Variants in CREB5 observed in about 807,000 individuals in gnomAD.
The protein encoded by CREB5 is cAMP responsive element binding protein 5.
In CREB5, 19 loss-of-function variants were observed where a neutral mutation model predicts 57.1. That is an observed-to-expected ratio of 0.33 (90% CI 0.23 to 0.49). The LOEUF (loss-of-function observed/expected upper bound fraction) is 0.49, where lower values mean the gene tolerates loss of function less well. Among genes scored for constraint, CREB5 ranks in the 20% least tolerant of loss-of-function variants. The pLI is 0.99. For missense variants in CREB5, 579 were observed against 671.6 expected, an observed-to-expected ratio of 0.86 and a Z score of 1.52; for synonymous variants, 238 against 238.3, an observed-to-expected ratio of 1.00 and a Z score of 0.01.
intron 7 of CREB5, among the ~76,000 whole-genome samples, chr7:28,729,370 C>T (rs751846904): frequency 6.6e-6 from 1 of 152,152 alleles, no homozygotes; most frequent in Non-Finnish European, 1.5e-5. Context: ...TCTGTCGGCT[C>T]GTGGTTTCCT....
At chr7:28,796,272 G>A (rs866728646) in intron 7 of CREB5, among the ~76,000 whole-genome samples, 2 of 152,122 alleles carry the variant, frequency 1.3e-5, no homozygotes, top group African/African-American at 4.8e-5. Flanking sequence ...TTATGTAAAT[G>A]TAATCATACA....
At chr7:28,634,194 C>T (rs1798317129) in intron 5 of CREB5, among the ~76,000 whole-genome samples, 1 of 152,128 alleles carries the variant, frequency 6.6e-6, no homozygotes, top group Non-Finnish European at 1.5e-5. Flanking sequence ...TCTGCCCATC[C>T]AGCCTGTCTG....
intron 7 of CREB5, among the ~76,000 whole-genome samples, chr7:28,750,072 A>G (rs1372373124): frequency 6.6e-6 from 1 of 152,244 alleles, no homozygotes; most frequent in African/African-American, 2.4e-5. Flanking sequence ...ACAGCAATAG[A>G]CAACATTTCA....
At chr7:28,677,515 C>G (rs1562565702) in intron 5 of CREB5, among the ~76,000 whole-genome samples, 1 of 152,168 alleles carries the variant, frequency 6.6e-6, no homozygotes. Flanking sequence ...GCCTGCTTTT[C>G]TTTACCTGTA....
chr7:28,675,359 A>T (rs1283101692), intron 5 of CREB5, among the ~76,000 whole-genome samples: 1 of 152,160 alleles, frequency 6.6e-6, no homozygotes, highest in Non-Finnish European at 1.5e-5. Context: ...CTTGTACAAA[A>T]CACAGCCCCC....
intron 5 of CREB5, among the ~76,000 whole-genome samples, chr7:28,687,350 T>G (rs980659857): frequency 6.6e-6 from 1 of 151,510 alleles, no homozygotes; most frequent in African/African-American, 2.4e-5. Flanking sequence ...AGTTAATATT[T>G]CAGAGTAAGA....
At chr7:28,348,408 TCA>T (rs59152695) in intron 1 of CREB5, among the ~76,000 whole-genome samples, 21,704 of 117,844 alleles carry the variant, frequency 0.18, 1,674 homozygotes, top group East Asian at 0.38. Context: ...TCTCTCTCTC[TCA>T]CACACACACA....
rs568838749 is a variant in CREB5 at position 28,678,319 on chromosome 7, T to C, written c.465-40434T>C. ...GGGAGAATTGCTTGAACCCCGGAGG[T>C]GGAGGTTGCAGTGAGCCAAGACGGC... is the stretch of plus-strand genomic sequence containing the variant. On this transcript the variant is annotated intron_variant, in intron 5 of 10. Transcript: ENST00000357727. Among the ~76,000 whole-genome samples the C allele has an allele frequency of 3.4e-3, 517 of 151,014 alleles. 2 individuals are homozygous for C. Among genetic ancestry groups the C allele is most frequent in the African/African-American group, 0.012 (487 of 41,104 alleles).
At chr7:28,407,737 G>A (rs1787614359), upstream of CREB5, among the ~76,000 whole-genome samples, 1 of 152,158 alleles carries the variant, frequency 6.6e-6, no homozygotes, top group South Asian at 2.1e-4. Flanking sequence ...ACACTAAAGG[G>A]CAAGGGGCCA....
Position 28,491,161 on chromosome 7 carries a change from G to A in CREB5, c.75+2915G>A, listed in dbSNP as rs187387815. 3.3e-5 allele frequency: 32 copies of A among 966,756 alleles called. No individual in the cohort carries two copies. In the African/African-American group the frequency reaches 5.3e-4, roughly 16 times the overall value. 59.9% of individuals were successfully genotyped at this position (966,756 alleles called of 1,614,324 possible). A position where few individuals can be genotyped will look rare whatever the true frequency, so the allele number is the denominator to read the frequency against. On this transcript the variant is annotated intron_variant, in intron 2 of 10. Transcript: ENST00000357727. ...AGAGCACTAGGCAGTGACGGGAAGCGGAGTGATATAACGGTAGCCTGAGAA... is the reference window on the plus strand; with the variant it reads ...AGAGCACTAGGCAGTGACGGGAAGCAGAGTGATATAACGGTAGCCTGAGAA...
At chr7:28,561,815 C>T (rs1464656867) in intron 4 of CREB5, among the ~76,000 whole-genome samples, 1 of 152,236 alleles carries the variant, frequency 6.6e-6, no homozygotes, top group Admixed American at 6.5e-5. Context: ...GCAATCTCAG[C>T]TCATTGCAAC....
chr7:28,496,712 C>T (rs1269823437), intron 3 of CREB5, among the ~76,000 whole-genome samples: 2 of 152,176 alleles, frequency 1.3e-5, no homozygotes, highest in African/African-American at 4.8e-5. Flanking sequence ...CCAATGTGCT[C>T]TGGCTTGGAA....
At chr7:28,776,153 T>C (rs1806617629) in intron 7 of CREB5, among the ~76,000 whole-genome samples, 1 of 151,914 alleles carries the variant, frequency 6.6e-6, no homozygotes, top group South Asian at 2.1e-4. Flanking sequence ...CTGACTAACA[T>C]GGTGAAACCC....
intron 5 of CREB5, among the ~76,000 whole-genome samples, chr7:28,598,296 T>A (rs924750397): frequency 6.6e-6 from 1 of 152,188 alleles, no homozygotes; most frequent in Non-Finnish European, 1.5e-5. Flanking sequence ...CCTTCCGCCA[T>A]GATCCCCAGC....
intron 1 of CREB5, among the ~76,000 whole-genome samples, chr7:28,428,787 A>C (rs970722636): frequency 3.3e-5 from 5 of 152,110 alleles, no homozygotes; most frequent in Non-Finnish European, 5.9e-5. Flanking sequence ...TTGGGCATCA[A>C]ATAGGCCAGC....
At chr7:28,340,404 C>T (rs1224205667) in intron 1 of CREB5, among the ~76,000 whole-genome samples, 1 of 152,148 alleles carries the variant, frequency 6.6e-6, no homozygotes. Flanking sequence ...AGTGGGTTCC[C>T]TTCTGGTCCA....
chr7:28,381,043 T>A (rs575789785), intron 1 of CREB5, among the ~76,000 whole-genome samples: 15 of 152,264 alleles, frequency 9.9e-5, no homozygotes, highest in African/African-American at 3.4e-4. Context: ...GCTCATTACA[T>A]CCCGGTTCCA....
chr7:28,553,961 C>T (rs1418222626), intron 4 of CREB5, among the ~76,000 whole-genome samples: 3 of 152,156 alleles, frequency 2.0e-5, no homozygotes, highest in Non-Finnish European at 4.4e-5. Flanking sequence ...CTCCAGTTTC[C>T]AACAGTAATA....
At chr7:28,818,840 A>T (rs1024589957) in intron 10 of CREB5, 1 of 545,872 alleles carries the variant, frequency 1.8e-6, no homozygotes, top group Non-Finnish European at 3.5e-6. Flanking sequence ...AAAAGACAAA[A>T]TGGGGAAGTT....
Sources: allele counts gnomAD v4.1 joint callset (sites outside exome capture counted in the v4.1 genomes callset), GRCh38; gene constraint gnomAD v4.1.1; transcripts MANE v1.5; gene names NCBI Gene and HGNC (gene_info 2026-07-23, HGNC 2026-07-21).